Variants in KSR2 observed in about 807,000 individuals in gnomAD.
KSR2 encodes kinase suppressor of ras 2.
KSR2 carries 25 observed loss-of-function variants against 107.8 expected under a neutral mutation model. That is an observed-to-expected ratio of 0.23 (90% CI 0.17 to 0.32). KSR2 has a LOEUF of 0.32. Among genes scored for constraint, KSR2 ranks in the 10% least tolerant of loss-of-function variants. The pLI, the probability that KSR2 is intolerant of heterozygous loss-of-function variation, is 1.00. For missense variants in KSR2, 887 were observed against 1,268.9 expected (o/e 0.70, Z 4.57); for synonymous variants, 480 against 507.0 (o/e 0.95, Z 0.71).
intron 7 of KSR2, among the ~76,000 whole-genome samples, chr12:117,563,475 A>G (rs926224880): frequency 6.6e-6 from 1 of 152,190 alleles, no homozygotes; most frequent in Non-Finnish European, 1.5e-5. Context: ...CAGTTTCCCC[A>G]TCTGTAAGGT....
At chr12:117,873,455 A>G (rs1190509311) in intron 1 of KSR2, among the ~76,000 whole-genome samples, 3 of 134,126 alleles carry the variant, frequency 2.2e-5, no homozygotes, top group Non-Finnish European at 4.6e-5. Flanking sequence ...AAAGATGTTC[A>G]TGGTGCTTTT....
At chr12:117,531,119 G>A (rs1323722351) in intron 11 of KSR2, 106 bp from the exon 12 acceptor site, 1 of 900,476 alleles carries the variant, frequency 1.1e-6, no homozygotes, top group Non-Finnish European at 1.8e-6. Context: ...CCAGATCTTG[G>A]ATCTCTGCCC....
chr12:117,801,389 A>G (rs1362975780), intron 3 of KSR2, among the ~76,000 whole-genome samples: 1 of 151,382 alleles, frequency 6.6e-6, no homozygotes, highest in Non-Finnish European at 1.5e-5. Flanking sequence ...TTGGCCTCCC[A>G]AAGTGCTGGG....
intron 14 of KSR2, among the ~76,000 whole-genome samples, chr12:117,490,404 T>C (rs1416208035): frequency 1.3e-5 from 2 of 152,208 alleles, no homozygotes; most frequent in African/African-American, 4.8e-5. Flanking sequence ...TGCCAGACAC[T>C]AGCCTAAGGA....
chr12:117,472,857 G>A (rs1250985481), intron 17 of KSR2, among the ~76,000 whole-genome samples: 2 of 152,078 alleles, frequency 1.3e-5, no homozygotes, highest in Non-Finnish European at 2.9e-5. Flanking sequence ...TTTTTATTCT[G>A]ATGCTTTGAC....
chr12:117,912,794 T>C (rs1278187135), intron 1 of KSR2, among the ~76,000 whole-genome samples: 1 of 152,120 alleles, frequency 6.6e-6, no homozygotes, highest in East Asian at 1.9e-4. Flanking sequence ...ATCTTAACAC[T>C]TCAGAGAAGA....
intron 3 of KSR2, among the ~76,000 whole-genome samples, chr12:117,810,723 G>A (rs942003498): frequency 1.3e-5 from 2 of 152,192 alleles, no homozygotes; most frequent in South Asian, 4.1e-4. Context: ...AGATGCTGCA[G>A]TATGAAGATG....
At chr12:117,903,007 G>A (rs1894735168) in intron 1 of KSR2, among the ~76,000 whole-genome samples, 1 of 152,156 alleles carries the variant, frequency 6.6e-6, no homozygotes, top group Non-Finnish European at 1.5e-5. Flanking sequence ...TTAATGAATT[G>A]ATACATTTTA....
Position 117,599,564 on chromosome 12 carries a change from G to A in KSR2, c.1172-17205C>T, listed in dbSNP as rs373479255. ...ATTTGGGGCTACTCCATTCTCTCTG[G>A]TGGGGGCTGTCCTGTGCATTGTAAG... On this transcript the variant is annotated intron_variant, in intron 5 of 19. Coordinates refer to ENST00000339824, the MANE Select transcript of KSR2 (RefSeq NM_173598.6). Among the ~76,000 whole-genome samples the A allele has an allele frequency of 2.6e-5, 4 of 152,226 alleles. No homozygotes were observed. In the South Asian group the frequency reaches 8.3e-4, roughly 32 times the overall value.
intron 3 of KSR2, among the ~76,000 whole-genome samples, chr12:117,823,660 G>A (rs947725958): frequency 2.6e-5 from 4 of 152,224 alleles, no homozygotes; most frequent in African/African-American, 9.6e-5. Flanking sequence ...AAGACCAGGA[G>A]AGTGTGCTTT....
At chr12:117,535,520 C>G (rs1319118927) in intron 10 of KSR2, among the ~76,000 whole-genome samples, 1 of 151,986 alleles carries the variant, frequency 6.6e-6, no homozygotes, top group South Asian at 2.1e-4. Flanking sequence ...AGTGAGGTCT[C>G]AGAAATCCTG....
At chr12:117,608,083 C>T (rs1881395169) in intron 5 of KSR2, among the ~76,000 whole-genome samples, 1 of 152,242 alleles carries the variant, frequency 6.6e-6, no homozygotes, top group South Asian at 2.1e-4. Context: ...GGCAGCAAGG[C>T]ATTGGAGCAA....
At chr12:117,856,633 C>T (rs1433452830) in intron 2 of KSR2, among the ~76,000 whole-genome samples, 3 of 152,068 alleles carry the variant, frequency 2.0e-5, no homozygotes, top group Non-Finnish European at 2.9e-5. Flanking sequence ...CTCACCACCA[C>T]GCCTGGCTAA....
chr12:117,486,523 A>G (rs972874785), intron 14 of KSR2, among the ~76,000 whole-genome samples: 15 of 152,320 alleles, frequency 9.8e-5, no homozygotes, highest in African/African-American at 3.6e-4. Flanking sequence ...CAAAAGAAGA[A>G]AGAACGTCAC....
intron 3 of KSR2, among the ~76,000 whole-genome samples, chr12:117,821,010 T>G (rs1464349160): frequency 6.6e-6 from 1 of 152,180 alleles, no homozygotes; most frequent in Non-Finnish European, 1.5e-5. Flanking sequence ...GTTCAGATCC[T>G]CTGCCACTCC....
chr12:117,798,720 A>AAT lies in KSR2; in HGVS notation c.473-37198_473-37197dup, dbSNP rs1555242305. Among the ~76,000 whole-genome samples, 247 of 120,188 alleles carry AAT rather than the reference A, an allele frequency of 2.1e-3. 2 individuals are homozygous for AAT. Among genetic ancestry groups the AAT allele is most frequent in the Non-Finnish European group, 2.8e-3 (151 of 54,302 alleles). The allele number at this position is 120,188 out of a possible 152,430, so 78.8% of individuals were successfully genotyped here. The stretch of plus-strand genomic sequence containing the variant: ...GTAGGCAAAAAGTCCAAAAAAAAAA[A>AAT]ATATATATATATATATCAACCCAAA... On this transcript the variant is annotated intron_variant, in intron 3 of 19. Transcript: ENST00000339824.
intron 9 of KSR2, among the ~76,000 whole-genome samples, chr12:117,541,946 C>G (rs1876523425): frequency 6.6e-6 from 1 of 152,024 alleles, no homozygotes. Flanking sequence ...AGGGTAATGG[C>G]ACAATCACGG....
chr12:117,751,949 T>TTATAAA (rs1180521274), intron 4 of KSR2, among the ~76,000 whole-genome samples: 15 of 152,230 alleles, frequency 9.9e-5, no homozygotes, highest in Admixed American at 9.8e-4. Flanking sequence ...TCTCTTGCCC[T>TTATAAA]TATAAATATA....
At chr12:117,654,936 G>T (rs941250813) in intron 5 of KSR2, among the ~76,000 whole-genome samples, 2 of 152,148 alleles carry the variant, frequency 1.3e-5, no homozygotes, top group African/African-American at 2.4e-5. Context: ...TGGAGGTTAC[G>T]CATTGGCTCA....
Sources: allele counts gnomAD v4.1 joint callset (sites outside exome capture counted in the v4.1 genomes callset), GRCh38; gene constraint gnomAD v4.1.1; transcripts MANE v1.5; gene names NCBI Gene and HGNC (gene_info 2026-07-23, HGNC 2026-07-21).